ERN1: variants seen among roughly 807,000 people sequenced by gnomAD.
ERN1 encodes the protein serine/threonine-protein kinase/endoribonuclease IRE1.
In ERN1, 39 loss-of-function variants were observed where a neutral mutation model predicts 113.1. That is an observed-to-expected ratio of 0.34 (90% CI 0.27 to 0.45). The LOEUF is 0.45. ERN1 is among the 20% of genes least tolerant of loss of function. ERN1 has a pLI of 1.00. For synonymous variants in ERN1, 507 were observed against 515.9 expected (o/e 0.98, Z 0.23); for missense variants, 976 against 1,274.8 (o/e 0.77, Z 3.57).
chr17:64,082,657 G>A lies in ERN1; in HGVS notation c.176-1849C>T, dbSNP rs116863613. 6.1e-3 allele frequency among the ~76,000 whole-genome samples: 925 copies of A among 152,264 alleles called. 20 individuals are homozygous for A. Among genetic ancestry groups the A allele is most frequent in the East Asian group, 0.059 (306 of 5,192 alleles). On this transcript the variant is annotated intron_variant, in intron 2 of 21. Transcript: ENST00000433197. ...ACCTGATCTTTGCTGTACAGTGTTT[G>A]CTCAGTCACACAGACTCGTCTTCAG...
At chr17:64,129,847 G>A in intron 1 of ERN1, 129 bp downstream of exon 1, 3 of 858,242 alleles carry the variant, frequency 3.5e-6, no homozygotes, top group East Asian at 6.8e-5. Context: ...CCACGGCTGG[G>A]CTCACGGGGC....
chr17:64,072,388 G>A (rs1035433315), intron 5 of ERN1, among the ~76,000 whole-genome samples: 1 of 152,218 alleles, frequency 6.6e-6, no homozygotes, highest in African/African-American at 2.4e-5. Flanking sequence ...AGATTTTATT[G>A]CTTTGATGAG....
chr17:64,052,527 AC>A (rs1912716886), intron 17 of ERN1, among the ~76,000 whole-genome samples: 1 of 40,224 alleles, frequency 2.5e-5, no homozygotes, highest in African/African-American at 6.3e-5. Flanking sequence ...AAAACAGCCA[AC>A]CAACCAAACA....
At chr17:64,099,269 C>G (rs1258451324) in intron 1 of ERN1, among the ~76,000 whole-genome samples, 1 of 135,986 alleles carries the variant, frequency 7.4e-6, no homozygotes, top group African/African-American at 3.7e-5. Context: ...TACAATTATA[C>G]TGGACAGATT....
At chr17:64,055,067 T>C (rs912349378) in intron 13 of ERN1, among the ~76,000 whole-genome samples, 5 of 152,346 alleles carry the variant, frequency 3.3e-5, no homozygotes, top group Middle Eastern at 3.4e-3. Flanking sequence ...CGATTGCATA[T>C]CTTAAAACCT....
At chr17:64,051,285 A>G (rs1195671671) in intron 17 of ERN1, among the ~76,000 whole-genome samples, 1 of 152,208 alleles carries the variant, frequency 6.6e-6, no homozygotes, top group African/African-American at 2.4e-5. Flanking sequence ...ACACATGCTA[A>G]ACCACTGGGT....
At chr17:64,103,263 G>A (rs560228699) in intron 1 of ERN1, among the ~76,000 whole-genome samples, 28 of 152,132 alleles carry the variant, frequency 1.8e-4, no homozygotes, top group Admixed American at 3.9e-4. Context: ...TTGGGAGGCC[G>A]AGGTGGGCGG....
intron 4 of ERN1, among the ~76,000 whole-genome samples, chr17:64,077,890 C>T (rs910420146): frequency 2.0e-5 from 3 of 152,070 alleles, no homozygotes; most frequent in East Asian, 3.9e-4. Context: ...GGACTATAGG[C>T]GCCCGCCACC....
At chr17:64,110,737 C>T (rs1028688012) in intron 1 of ERN1, among the ~76,000 whole-genome samples, 10 of 152,346 alleles carry the variant, frequency 6.6e-5, no homozygotes, top group African/African-American at 2.2e-4. Flanking sequence ...GTCAATATTA[C>T]ATCAGATTTC....
intron 17 of ERN1, among the ~76,000 whole-genome samples, chr17:64,050,568 G>A (rs1343911701): frequency 6.6e-6 from 1 of 152,176 alleles, no homozygotes; most frequent in Non-Finnish European, 1.5e-5. Context: ...AAGGGACTGG[G>A]TCATGAAGCG....
chr17:64,118,999 C>T lies in ERN1; in HGVS notation c.54+10977G>A, dbSNP rs1212883863. Among the ~76,000 whole-genome samples the T allele has an allele frequency of 6.6e-5, 10 of 152,224 alleles. No individual in the cohort carries two copies. In the South Asian group the frequency reaches 1.0e-3, roughly 16 times the overall value. ...CTTCTACAAATCCCTTCTCCTCACTCGCAATGGCTATTTCATTTTTGTTAT... is the reference window on the plus strand; with the variant it reads ...CTTCTACAAATCCCTTCTCCTCACTTGCAATGGCTATTTCATTTTTGTTAT... On this transcript the variant is annotated intron_variant, in intron 1 of 21. Transcript: ENST00000433197.
At chr17:64,104,527 C>T (rs149612747) in intron 1 of ERN1, among the ~76,000 whole-genome samples, 5 of 152,176 alleles carry the variant, frequency 3.3e-5, no homozygotes, top group East Asian at 1.9e-4. Flanking sequence ...TACCTGATAA[C>T]AAGGGTCAGG....
At chr17:64,126,871 C>T (rs1203467418) in intron 1 of ERN1, among the ~76,000 whole-genome samples, 2 of 151,826 alleles carry the variant, frequency 1.3e-5, no homozygotes, top group African/African-American at 4.8e-5. Flanking sequence ...AAACCTCCCT[C>T]TAAAACCAAA....
At chr17:64,127,259 T>C (rs887916083) in intron 1 of ERN1, among the ~76,000 whole-genome samples, 3 of 152,222 alleles carry the variant, frequency 2.0e-5, no homozygotes, top group African/African-American at 7.2e-5. Flanking sequence ...CAATAGTTAC[T>C]ACATCAATCA....
At chr17:64,064,699 C>T (rs1417204658) in intron 9 of ERN1, among the ~76,000 whole-genome samples, 2 of 152,164 alleles carry the variant, frequency 1.3e-5, no homozygotes, top group Non-Finnish European at 2.9e-5. Context: ...ATGCTTGAGG[C>T]AGGCTTGTGA....
rs762051354 is a variant in ERN1, at chr17:64,054,412, G to C, written c.1791C>G (p.Ala597=). The change falls in exon 15 of 22, where the codon GCC becomes GCG. Residue 597 remains alanine (A), a synonymous_variant. Transcript: ENST00000433197. The surrounding 1 kb of genome is among the most constrained non-coding windows in gnomAD (Gnocchi z 4.9). ...AACACTCGGGGAGGATCCTCTTCAC[G>C]GCCACGTCGCGGTTGTCAAACATGC... ...YRGMFDNRDV[A]VKRILPECFS... 6.3e-7 allele frequency: 1 copy of C among 1,578,912 alleles called. No homozygotes were observed. The highest frequency in any genetic ancestry group is 8.6e-7 in the Non-Finnish European group (1 of 1,162,452).
intron 17 of ERN1, among the ~76,000 whole-genome samples, chr17:64,052,397 C>T (rs1912711601): frequency 6.6e-6 from 1 of 151,960 alleles, no homozygotes; most frequent in Admixed American, 6.6e-5. Flanking sequence ...CCTAGCTACT[C>T]AGGAGGCTGA....
intron 12 of ERN1, 59 bp downstream of exon 12, chr17:64,057,743 C>T (rs192572027): frequency 4.8e-5 from 71 of 1,476,486 alleles, no homozygotes; most frequent in Middle Eastern, 4.6e-4. Flanking sequence ...TGACATGAGG[C>T]GACAGGCAGA....
At position 64,087,158 on chromosome 17, in the gene ERN1, G is replaced by A. The variant is rs528257774; in HGVS notation, c.176-6350C>T. Among the ~76,000 whole-genome samples the A allele has an allele frequency of 1.4e-4, 21 of 152,224 alleles. 1 individual carries two copies. The South Asian group carries it at 4.4e-3, about 32-fold the overall frequency. On this transcript the variant is annotated intron_variant, in intron 2 of 21. Transcript: ENST00000433197. ...CAAGGAATTTGCCTTTATAACCCAA[G>A]CTGGGTGATTGAGCCATGTGGGGAA...
Sources: gnomAD v4.1 joint callset for allele counts (sites outside exome capture counted in the v4.1 genomes callset) on GRCh38, gnomAD v4.1.1 for gene constraint, Gnocchi (gnomAD v3.1) non-coding constraint, MANE v1.5 for transcripts, NCBI Gene and HGNC (gene_info 2026-07-23, HGNC 2026-07-21) for gene names.